The following RAB23 variants were observed in gnomAD, a reference collection of about 807,000 sequenced individuals.
RAB23 encodes the protein ras-related protein Rab-23.
Under a neutral mutation model 30.0 loss-of-function variants are expected in RAB23, and 15 were observed. The observed-to-expected ratio is 0.50, with a 90% CI of 0.33 to 0.77. The LOEUF is 0.77. Among genes scored for constraint, RAB23 ranks in the 30% least tolerant of loss-of-function variants. RAB23 has a pLI of 0.02. For synonymous variants in RAB23, 93 were observed against 94.0 expected (o/e 0.99, Z 0.06); for missense variants, 243 against 275.4 (o/e 0.88, Z 0.83).
intron 1 of RAB23, among the ~76,000 whole-genome samples, chr6:57,217,623 T>G (rs1041992016): frequency 6.6e-6 from 1 of 152,116 alleles, no homozygotes; most frequent in Non-Finnish European, 1.5e-5. Context: ...TACGAAAATT[T>G]AGAGCGCTAA....
rs1449506162 is a variant in RAB23, at chr6:57,188,368, A to AAGAT, written c.*2089_*2092dup. 2 of 152,180 alleles carry AAGAT rather than the reference A, an allele frequency of 1.3e-5. No homozygotes were observed. The highest frequency in any genetic ancestry group is 1.9e-4 in the East Asian group (1 of 5,204). The allele number at this position is 152,180 out of a possible 1,614,324, so 9.4% of individuals were successfully genotyped here. ...TCTCTCTTCAGTTCTTATTTAAAAAAAGATAAAACTAGGTACATAAAATTA... is the reference window on the plus strand; with the variant it reads ...TCTCTCTTCAGTTCTTATTTAAAAAAAGATAGATAAAACTAGGTACATAAAATTA... On this transcript the variant is annotated 3_prime_UTR_variant, in exon 7 of 7. Transcript: ENST00000468148.
At chr6:57,207,482 T>C in intron 3 of RAB23, 146 bp downstream of exon 3, 1 of 609,698 alleles carries the variant, frequency 1.6e-6, no homozygotes, top group East Asian at 2.9e-5. Flanking sequence ...AGAAGAATAA[T>C]GAACTGGGGT....
At chr6:57,196,320 ATTT>A (rs1296162628) in intron 4 of RAB23, 127 bp downstream of exon 4, 4 of 1,082,468 alleles carry the variant, frequency 3.7e-6, no homozygotes, top group Non-Finnish European at 5.4e-6. Flanking sequence ...AAATTAAAAT[ATTT>A]AAGTCATTAA....
chr6:57,205,353 A>T (rs1285543458), intron 3 of RAB23, among the ~76,000 whole-genome samples: 1 of 152,090 alleles, frequency 6.6e-6, no homozygotes, highest in East Asian at 1.9e-4. Flanking sequence ...AACGAGCAGA[A>T]TTTCACTTTA....
At chr6:57,214,436 G>A (rs1043561026) in intron 1 of RAB23, among the ~76,000 whole-genome samples, 14 of 152,064 alleles carry the variant, frequency 9.2e-5, no homozygotes, top group African/African-American at 3.4e-4. Flanking sequence ...CACCTCAGCT[G>A]GGACTACAGG....
At position 57,187,240 on chromosome 6, in the gene RAB23, T is replaced by C. The variant is rs1764636285; in HGVS notation, c.*3221A>G. 2 of 152,210 alleles carry C rather than the reference T, an allele frequency of 1.3e-5. No homozygotes were observed. The highest frequency in any genetic ancestry group is 2.4e-5 in the African/African-American group (1 of 41,454). The allele number at this position is 152,210 out of a possible 1,614,324, so 9.4% of individuals were successfully genotyped here. Reference sequence around the variant, plus strand: ...ATTTACTAACATCCTACTGTAGATATTTCGAGAGACAGATGAAAATAATAA... The same window carrying C: ...ATTTACTAACATCCTACTGTAGATACTTCGAGAGACAGATGAAAATAATAA... On this transcript the variant is annotated 3_prime_UTR_variant, in exon 7 of 7. Coordinates refer to ENST00000468148, the MANE Select transcript of RAB23 (RefSeq NM_016277.5).
intron 2 of RAB23, 46 bp downstream of exon 2, chr6:57,210,180 T>G (rs765252547): frequency 6.3e-7 from 1 of 1,585,786 alleles, no homozygotes. Flanking sequence ...GTCTTGGATA[T>G]AGTTCACAAA....
At chr6:57,206,308 T>C (rs1765454627) in intron 3 of RAB23, among the ~76,000 whole-genome samples, 2 of 152,024 alleles carry the variant, frequency 1.3e-5, no homozygotes, top group Admixed American at 6.6e-5. Context: ...AGAGAAGCTC[T>C]CGATGGTTTC....
At chr6:57,219,236 A>G (rs1017551455) in intron 1 of RAB23, among the ~76,000 whole-genome samples, 1 of 152,260 alleles carries the variant, frequency 6.6e-6, no homozygotes, top group Non-Finnish European at 1.5e-5. Context: ...GAGATTTACA[A>G]TAGCTCCAAA....
At chr6:57,207,808 T>A in intron 2 of RAB23, 95 bp from the exon 3 acceptor site, 1 of 831,338 alleles carries the variant, frequency 1.2e-6, no homozygotes, top group Non-Finnish European at 2.0e-6. Flanking sequence ...CCAAAGATAT[T>A]AAAACTACAA....
chr6:57,216,196 G>A (rs1765829121), intron 1 of RAB23, among the ~76,000 whole-genome samples: 1 of 152,198 alleles, frequency 6.6e-6, no homozygotes, highest in Admixed American at 6.5e-5. Flanking sequence ...CAGCCTAGAT[G>A]TGTAGTAGGC....
intron 1 of RAB23, among the ~76,000 whole-genome samples, chr6:57,211,434 T>G (rs2128004774): frequency 6.6e-6 from 1 of 152,248 alleles, no homozygotes; most frequent in East Asian, 1.9e-4. Context: ...TACTCCAGCC[T>G]AGGTGATAGA....
In RAB23 at chr6:57,210,424, G is replaced by C. The variant is rs761759143; in HGVS notation, c.-44C>G. ...TTCTGTACCAACTCTAATTCTAGGA[G>C]ATCAGATCTTCCCTCTCAAATCTGT... On this transcript the variant is annotated 5_prime_UTR_variant, in exon 2 of 7. In the 5' UTR this introduces an upstream ATG that the reference lacks. Coordinates refer to ENST00000468148, the MANE Select transcript of RAB23 (RefSeq NM_016277.5). The C allele has an allele frequency of 1.3e-6, 2 of 1,576,646 alleles. No homozygotes were observed. Among genetic ancestry groups the C allele is most frequent in the South Asian group, 1.1e-5 (1 of 90,320 alleles).
At position 57,194,869 on chromosome 6, in the gene RAB23, A is replaced by G. The variant is rs747256370; in HGVS notation, c.399-17T>C. On this transcript the variant is annotated splice_polypyrimidine_tract_variant and intron_variant, in intron 4 of 6. Coordinates refer to ENST00000468148, the MANE Select transcript of RAB23 (RefSeq NM_016277.5). Reference sequence around the variant, plus strand: ...GCTTCCTCACTGCACATCAATTTAAAAAAAAATGCTTTACAAAGGTGCCTT... The same window carrying G: ...GCTTCCTCACTGCACATCAATTTAAGAAAAAATGCTTTACAAAGGTGCCTT... The G allele has an allele frequency of 4.4e-6, 7 of 1,603,788 alleles. No individual in the cohort carries two copies. The highest frequency in any genetic ancestry group is 6.0e-6 in the Non-Finnish European group (7 of 1,171,094).
At position 57,215,044 on chromosome 6, in the gene RAB23, T is replaced by C. The variant is rs1486775725; in HGVS notation, c.-65-4599A>G. On this transcript the variant is annotated intron_variant, in intron 1 of 6. Coordinates refer to ENST00000468148, the MANE Select transcript of RAB23 (RefSeq NM_016277.5). The stretch of plus-strand genomic sequence containing the variant: ...TTATAATAACCATAATTTAAAAAAC[T>C]AAATGATATGTTCAACGGCAGAATA... Among the ~76,000 whole-genome samples, 5 of 152,126 alleles carry C rather than the reference T, an allele frequency of 3.3e-5. No individual in the cohort carries two copies. In the East Asian group the frequency reaches 7.7e-4, roughly 23 times the overall value.
chr6:57,209,321 T>C (rs1040071218), intron 2 of RAB23, among the ~76,000 whole-genome samples: 1 of 152,188 alleles, frequency 6.6e-6, no homozygotes, highest in Admixed American at 6.5e-5. Context: ...GTGGGTGAAT[T>C]TGCATATGCA....
At chr6:57,191,157 A>G (rs561941291) in intron 6 of RAB23, among the ~76,000 whole-genome samples, 1 of 152,154 alleles carries the variant, frequency 6.6e-6, no homozygotes, top group African/African-American at 2.4e-5. Flanking sequence ...CTCTTGTTTT[A>G]GTTTTACTTT....
intron 3 of RAB23, among the ~76,000 whole-genome samples, chr6:57,203,195 G>T (rs747139958): frequency 6.6e-6 from 1 of 152,004 alleles, no homozygotes; most frequent in South Asian, 2.1e-4. Context: ...TAGTAGAGAC[G>T]TGGTTTCACC....
chr6:57,221,303 A>G (rs895650842), intron 1 of RAB23: 1 of 152,234 alleles, frequency 6.6e-6, no homozygotes, highest in Non-Finnish European at 1.5e-5. Context: ...CTAGCTCCTG[A>G]TAATGAAGTT....
Sources: allele counts gnomAD v4.1 joint callset (sites outside exome capture counted in the v4.1 genomes callset), GRCh38; gene constraint gnomAD v4.1.1; transcripts MANE v1.5; gene names NCBI Gene and HGNC (gene_info 2026-07-23, HGNC 2026-07-21).